AGAP5: variants seen among roughly 807,000 people sequenced by gnomAD.
The protein encoded by AGAP5 is ArfGAP with GTPase domain, ankyrin repeat and PH domain 5.
A neutral mutation model predicts 27.7 loss-of-function variants in AGAP5; 8 were observed. The observed-to-expected ratio is 0.29, with a 90% CI of 0.17 to 0.52. The LOEUF is 0.52. AGAP5 is among the 20% of genes least tolerant of loss of function. AGAP5 has a pLI of 0.97. For missense variants in AGAP5, 285 were observed against 880.8 expected (o/e 0.32, Z 8.56); for synonymous variants, 111 against 338.0 (o/e 0.33, Z 7.37).
rs752118760 is a variant in AGAP5, at chr10:73,697,647, C to T, written c.109G>A (p.Gly37Arg). ...ATGGGCGCTCCTGCCATCCTGTCCC[C>T]AGCTCCTGCCTCATAGATCTCAGAT... ...SESEIYEAGA[G>R]DRMAGAPMAA... Residue 37 changes from glycine to arginine, a missense_variant, in exon 1 of 8, where the codon GGG (glycine) becomes AGG (arginine). Transcript: ENST00000374094. 88 of 1,603,816 alleles carry T rather than the reference C, an allele frequency of 5.5e-5. 2 individuals carry two copies. The highest frequency in any genetic ancestry group is 4.3e-4 in the Admixed American group (26 of 60,000).
At chr10:73,689,821 T>C (rs1429726972) in intron 4 of AGAP5, among the ~76,000 whole-genome samples, 1 of 145,564 alleles carries the variant, frequency 6.9e-6, no homozygotes, top group Non-Finnish European at 1.5e-5. Flanking sequence ...GTGAGGAGCG[T>C]CTCCGCCTGG....
intron 4 of AGAP5, among the ~76,000 whole-genome samples, chr10:73,687,327 T>A (rs1390161659): frequency 1.3e-5 from 2 of 152,162 alleles, no homozygotes; most frequent in Non-Finnish European, 2.9e-5. Flanking sequence ...CAATTATAGT[T>A]AACTGCAGCC....
At chr10:73,694,352 CA>C (rs780747128) in intron 3 of AGAP5, among the ~76,000 whole-genome samples, 20 of 151,998 alleles carry the variant, frequency 1.3e-4, no homozygotes, top group Non-Finnish European at 2.8e-4. Context: ...AAATGAAAAC[CA>C]AGCTGAAGCC....
chr10:73,693,056 G>C (rs564988976), intron 3 of AGAP5, among the ~76,000 whole-genome samples: 43 of 152,120 alleles, frequency 2.8e-4, no homozygotes, highest in African/African-American at 1.0e-3. Context: ...GCCCCAAGAG[G>C]GACTTGGGCC....
chr10:73,689,111 C>A (rs553349100), intron 4 of AGAP5, among the ~76,000 whole-genome samples: 13 of 152,328 alleles, frequency 8.5e-5, no homozygotes, highest in Admixed American at 2.0e-4. Context: ...TTCAGCCTGC[C>A]GAGTGCCTGC....
intron 4 of AGAP5, among the ~76,000 whole-genome samples, chr10:73,688,413 G>A (rs1248794962): frequency 6.6e-6 from 1 of 151,756 alleles, no homozygotes; most frequent in Non-Finnish European, 1.5e-5. Flanking sequence ...AATAAAGCAG[G>A]CCAGGGACCA....
chr10:73,674,747 A>G lies in AGAP5; in HGVS notation c.1913T>C (p.Val638Ala). The G allele has an allele frequency of 6.2e-7, 1 of 1,612,044 alleles. No individual in the cohort carries two copies. The highest frequency in any genetic ancestry group is 8.5e-7 in the Non-Finnish European group (1 of 1,179,832). ...LHLACRKGNV[V>A]LAQLLIWYGV... ...GTACCAGATCAGGAGCTGTGCCAGG[A>G]CCACATTCCCCTTGCGGCAGGCCAG... The change falls in exon 8 of 8, where the codon GTC becomes GCC. Residue 638 changes from valine to alanine, a missense_variant. Transcript: ENST00000374094.
In AGAP5 at chr10:73,676,291, CAA is replaced by C. The variant is rs371426814; in HGVS notation, c.586-219_586-218del. ...CCAACATGGTGAAACCCTGTCTTTA[CAA>C]AAAAAAAAAAAAAAAGAAAAGAAAA... On this transcript the variant is annotated intron_variant, in intron 7 of 7. Coordinates refer to ENST00000374094, the MANE Select transcript of AGAP5 (RefSeq NM_001144000.4). 4.4e-3 allele frequency among the ~76,000 whole-genome samples: 315 copies of C among 71,792 alleles called. 1 individual carries two copies. Among genetic ancestry groups the C allele is most frequent in the Middle Eastern group, 0.01 (1 of 100 alleles). 47.1% of individuals were successfully genotyped at this position (71,792 alleles called of 152,430 possible). A position where few individuals can be genotyped will look rare whatever the true frequency, so the allele number is the denominator to read the frequency against.
In AGAP5 at chr10:73,698,062, A is replaced by G; in HGVS notation, c.-307T>C. 7.4e-7 allele frequency: 1 copy of G among 1,353,616 alleles called. No homozygotes were observed. Among genetic ancestry groups the G allele is most frequent in the Non-Finnish European group, 9.5e-7 (1 of 1,047,330 alleles). 83.9% of individuals were successfully genotyped at this position (1,353,616 alleles called of 1,614,324 possible). The stretch of plus-strand genomic sequence containing the variant: ...GCTGAGAGACACAACAACTGCCTGA[A>G]GAGAGAACAGACGGAGCTCCTCCTC... On this transcript the variant is annotated 5_prime_UTR_variant, in exon 1 of 8. Transcript: ENST00000374094.
At chr10:73,685,350 A>G (rs967720120) in intron 4 of AGAP5, among the ~76,000 whole-genome samples, 1 of 136,796 alleles carries the variant, frequency 7.3e-6, no homozygotes, top group African/African-American at 2.8e-5. Context: ...TTGAGCTATG[A>G]CCCTTGTATG....
At chr10:73,685,778 C>T (rs1236687932) in intron 4 of AGAP5, among the ~76,000 whole-genome samples, 1 of 152,030 alleles carries the variant, frequency 6.6e-6, no homozygotes, top group Non-Finnish European at 1.5e-5. Flanking sequence ...GTCTCGAACT[C>T]CTGACCTCAT....
In AGAP5 at chr10:73,692,187, T is replaced by C; in HGVS notation, c.362-110A>G. 1.2e-5 allele frequency: 4 copies of C among 346,104 alleles called. No individual in the cohort carries two copies. The South Asian group carries it at 1.8e-4, about 15-fold the overall frequency. The allele number at this position is 346,104 out of a possible 1,614,324, so 21.4% of individuals were successfully genotyped here. Reference sequence around the variant, plus strand: ...ATGTAAAATGAGACAAAATTCCATTTAAAAAAATAATTTTCAATAATTTAT... The same window carrying C: ...ATGTAAAATGAGACAAAATTCCATTCAAAAAAATAATTTTCAATAATTTAT... On this transcript the variant is annotated intron_variant, in intron 3 of 7. Transcript: ENST00000374094.
Position 73,692,065 on chromosome 10 carries a change from C to T in AGAP5, c.374G>A (p.Arg125Lys), listed in dbSNP as rs1470992231. Residue 125 changes from arginine to lysine, a missense_variant, in exon 4 of 8, where the codon AGA becomes AAA. By Grantham distance (26) the Arg-to-Lys change is conservative (BLOSUM62 2). Coordinates refer to ENST00000374094, the MANE Select transcript of AGAP5 (RefSeq NM_001144000.4). ...RNSQTDVVEI[R>K]RSNCTNHVST... ...TACATGGTTTGTACAGTTGCTTCTTCTTATTTCTACAACTAAGAATAAAAA... is the reference window on the plus strand; with the variant it reads ...TACATGGTTTGTACAGTTGCTTCTTTTTATTTCTACAACTAAGAATAAAAA... The T allele has an allele frequency of 2.0e-6, 3 of 1,524,462 alleles. No individual in the cohort carries two copies. The allele number at this position is 1,524,462 out of a possible 1,614,324, so 94.4% of individuals were successfully genotyped here.
In AGAP5 at chr10:73,674,376, T is replaced by C. The variant is rs1269899631; in HGVS notation, c.*223A>G. ...AGAAGCCTGTGTGACTTGGGCAATG[T>C]GGCCAGGAGGGCCTGAGACTAACAC... On this transcript the variant is annotated 3_prime_UTR_variant, in exon 8 of 8. Coordinates refer to ENST00000374094, the MANE Select transcript of AGAP5 (RefSeq NM_001144000.4). 3 of 621,398 alleles carry C rather than the reference T, an allele frequency of 4.8e-6. No individual in the cohort carries two copies. Among genetic ancestry groups the C allele is most frequent in the African/African-American group, 1.9e-5 (1 of 53,938 alleles). 38.5% of individuals were successfully genotyped at this position (621,398 alleles called of 1,614,324 possible).
intron 5 of AGAP5, chr10:73,681,879 C>A: frequency 2.3e-6 from 2 of 882,440 alleles, no homozygotes; most frequent in Non-Finnish European, 2.6e-6. Flanking sequence ...AGTTTTTGTT[C>A]GAAACACAAT....
intron 4 of AGAP5, among the ~76,000 whole-genome samples, chr10:73,689,659 G>A (rs1184376802): frequency 6.6e-6 from 1 of 151,856 alleles, no homozygotes; most frequent in Non-Finnish European, 1.5e-5. Flanking sequence ...AGGATGTGAG[G>A]AGCGTCTCTG....
chr10:73,687,737 T>C (rs1211914960), intron 4 of AGAP5, among the ~76,000 whole-genome samples: 3 of 152,194 alleles, frequency 2.0e-5, no homozygotes, highest in Non-Finnish European at 4.4e-5. Flanking sequence ...TTAAATATAA[T>C]AGATTGACCA....
intron 1 of AGAP5, 30 bp downstream of exon 1, chr10:73,697,503 G>C (rs1330246129): frequency 2.5e-6 from 4 of 1,610,256 alleles, no homozygotes; most frequent in Non-Finnish European, 3.4e-6. Context: ...GAGGCAAACC[G>C]AGGGTAGATG....
chr10:73,696,821 G>A (rs1317028111), intron 2 of AGAP5, among the ~76,000 whole-genome samples: 2 of 152,112 alleles, frequency 1.3e-5, no homozygotes, highest in African/African-American at 4.8e-5. Context: ...AGCCTCTCCC[G>A]TGGCAACCTC....
Sources: allele counts gnomAD v4.1 joint callset (sites outside exome capture counted in the v4.1 genomes callset), GRCh38; gene constraint gnomAD v4.1.1; transcripts MANE v1.5; gene names NCBI Gene and HGNC (gene_info 2026-07-23, HGNC 2026-07-21).